C16orf92: variants seen among roughly 807,000 people sequenced by gnomAD.
C16orf92 encodes fertilization-influencing membrane protein.
C16orf92 carries 14 observed loss-of-function variants against 13.7 expected under a neutral mutation model. The observed-to-expected ratio is 1.02, with a 90% confidence interval of 0.67 to 1.60. C16orf92 has a LOEUF of 1.60. Ranked by LOEUF, C16orf92 falls within the 40% of genes most tolerant of loss-of-function variation. C16orf92 has a pLI of 0.00. For missense variants in C16orf92, 116 were observed against 139.0 expected, an observed-to-expected ratio of 0.83 and a Z score of 0.83; for synonymous variants, 50 against 57.4, an observed-to-expected ratio of 0.87 and a Z score of 0.58.
At chr16:30,025,620 A>AG (rs761276367), downstream of C16orf92, 23 of 1,464,322 alleles carry the variant, frequency 1.6e-5, no homozygotes, top group Middle Eastern at 1.7e-4. This position sits in a 1 kb window ranked among gnomAD's most constrained non-coding sequence, Gnocchi z 4.1. Context: ...GCACGGGGTG[A>AG]GGGGGGGATG....
At chr16:30,026,690 T>C (rs2071154420), downstream of C16orf92, 1 of 1,613,812 alleles carries the variant, frequency 6.2e-7, no homozygotes, top group South Asian at 1.1e-5. Flanking sequence ...AGCCACGCGC[T>C]ATGGCCCACG....
chr16:30,026,765 G>A (rs758924293), downstream of C16orf92: 12 of 1,614,084 alleles, frequency 7.4e-6, no homozygotes. Flanking sequence ...GCTTGTGCCA[G>A]TGACAGAGGA....
chr16:30,023,957 T>G (rs2070967604), intron 2 of C16orf92, 42 bp from the exon 3 acceptor site: 5 of 1,593,568 alleles, frequency 3.1e-6, no homozygotes, highest in Non-Finnish European at 4.3e-6. Context: ...GACCCTTCAT[T>G]GGGCCATCAG....
chr16:30,026,789 G>A (rs752008997), downstream of C16orf92: 18 of 1,614,058 alleles, frequency 1.1e-5, no homozygotes, highest in East Asian at 1.6e-4. Flanking sequence ...TGGCGTAGAT[G>A]TCGTAGATGA....
chr16:30,023,970 G>C, intron 2 of C16orf92, 29 bp from the exon 3 acceptor site: 1 of 1,597,656 alleles, frequency 6.3e-7, no homozygotes, highest in Non-Finnish European at 8.6e-7. Context: ...GCCATCAGAG[G>C]GGAGTTAAGG....
chr16:30,023,616 G>A (rs759275158), intron 1 of C16orf92, 111 bp from the exon 2 acceptor site: 2 of 1,580,362 alleles, frequency 1.3e-6, no homozygotes, highest in Admixed American at 1.7e-5. Context: ...ACCCTCCACA[G>A]CCTCTGCAAT....
downstream of C16orf92, chr16:30,025,705 C>T: frequency 6.2e-7 from 1 of 1,612,510 alleles, no homozygotes; most frequent in African/African-American, 1.3e-5. The surrounding 1 kb of genome is among the most constrained non-coding windows in gnomAD (Gnocchi z 4.1). Flanking sequence ...TGGGCTCCTG[C>T]ACCCTCCCAT....
chr16:30,023,702 G>T, intron 1 of C16orf92, 25 bp from the exon 2 acceptor site: 1 of 1,614,136 alleles, frequency 6.2e-7, no homozygotes, highest in Non-Finnish European at 8.5e-7. Context: ...CTTGGCTGTT[G>T]TCACAGAGTT....
downstream of C16orf92, chr16:30,027,188 T>TG (rs1432010706): frequency 4.2e-6 from 2 of 472,682 alleles, no homozygotes; most frequent in South Asian, 3.1e-5. Context: ...GACCTTGCCA[T>TG]GGTTATTTGT....
At chr16:30,026,463 T>C, downstream of C16orf92, 6 of 732,014 alleles carry the variant, frequency 8.2e-6, no homozygotes, top group Non-Finnish European at 1.3e-5. Flanking sequence ...CAGTGAACCC[T>C]GCCTGTCCAC....
Position 30,023,945 on chromosome 16 carries a change from C to T in C16orf92, c.224-54C>T, listed in dbSNP as rs528233907. Reference sequence around the variant, plus strand: ...GCCAGGGTCTGGAGGAGAGCAGCCCCAGACCCTTCATTGGGCCATCAGAGG... The same window carrying T: ...GCCAGGGTCTGGAGGAGAGCAGCCCTAGACCCTTCATTGGGCCATCAGAGG... On this transcript the variant is annotated intron_variant, in intron 2 of 3. Transcript: ENST00000681219. 3.1e-6 allele frequency: 5 copies of T among 1,593,200 alleles called. No homozygotes were observed. In the African/African-American group the frequency reaches 5.4e-5, roughly 17 times the overall value.
chr16:30,025,379 T>G (rs1179917938), downstream of C16orf92: 1 of 1,608,044 alleles, frequency 6.2e-7, no homozygotes. This position sits in a 1 kb window ranked among gnomAD's most constrained non-coding sequence, Gnocchi z 4.1. Context: ...CCAGTACAGG[T>G]AGGGAAAGAG....
chr16:30,024,059 T>C lies in C16orf92; in HGVS notation c.284T>C (p.Phe95Ser), dbSNP rs960044007. The C allele has an allele frequency of 1.9e-6, 3 of 1,613,678 alleles. No homozygotes were observed. Among genetic ancestry groups the C allele is most frequent in the Non-Finnish European group, 2.5e-6 (3 of 1,179,790 alleles). The change falls in exon 3 of 4, where the codon TTT (phenylalanine) becomes TCT (serine). Residue 95 changes from phenylalanine (F) to serine (S), a missense_variant. Coordinates refer to ENST00000681219, the MANE Select transcript of C16orf92 (RefSeq NM_001109659.2). ...GGCTTGCTGGTGGTGGCGTTCTTCT[T>C]TCTCCTTTTCCAGTTCTGCACCCAC... ...LVGLLVVAFF[F>S]LLFQFCTHIN...
chr16:30,026,675 C>T (rs2071153279), downstream of C16orf92: 1 of 1,613,802 alleles, frequency 6.2e-7, no homozygotes, highest in Admixed American at 1.7e-5. Context: ...ACTCCTTGTG[C>T]AGGTAGCCAC....
At chr16:30,026,597 C>G (rs768877960), downstream of C16orf92, 4 of 1,611,204 alleles carry the variant, frequency 2.5e-6, no homozygotes, top group Admixed American at 6.7e-5. Flanking sequence ...CGCCCAGCTC[C>G]CCGGGACTCA....
At chr16:30,025,074 TG>T, downstream of C16orf92, 1 of 732,014 alleles carries the variant, frequency 1.4e-6, no homozygotes, top group Non-Finnish European at 2.1e-6. This position sits in a 1 kb window ranked among gnomAD's most constrained non-coding sequence, Gnocchi z 4.1. Context: ...TCGTCAGTCC[TG>T]GGGTTGTCCG....
At chr16:30,024,999 G>C (rs1408537338), downstream of C16orf92, 1 of 534,530 alleles carries the variant, frequency 1.9e-6, no homozygotes, top group Non-Finnish European at 3.2e-6. Context: ...AGAGTAGGGG[G>C]AAGAGGTCCC....
At chr16:30,026,887 G>A (rs373702419), downstream of C16orf92, 4 of 1,535,470 alleles carry the variant, frequency 2.6e-6, no homozygotes, top group East Asian at 9.1e-5. Context: ...GAGGAAAGGG[G>A]ACACCAGTGA....
At chr16:30,024,993 T>G, downstream of C16orf92, 3 of 520,218 alleles carry the variant, frequency 5.8e-6, no homozygotes, top group South Asian at 6.2e-5. Flanking sequence ...GGGGGCAGAG[T>G]AGGGGGAAGA....
Sources: allele counts gnomAD v4.1 joint callset, GRCh38; gene constraint gnomAD v4.1.1; non-coding constraint Gnocchi (gnomAD v3.1); transcripts MANE v1.5; gene names NCBI Gene and HGNC (gene_info 2026-07-23, HGNC 2026-07-21).